The following PCDHA8 variants were observed in gnomAD, a reference collection of about 807,000 sequenced individuals.
PCDHA8 encodes the protein protocadherin alpha-8.
Under a neutral mutation model 61.8 loss-of-function variants are expected in PCDHA8, and 53 were observed. The ratio of observed to expected loss-of-function variants is 0.86; its 90% confidence interval spans 0.69 to 1.08. PCDHA8 has a LOEUF of 1.08. PCDHA8 is among the 50% of genes least tolerant of loss of function. The probability of loss-of-function intolerance (pLI) is 0.00; values close to 1 mark genes in which losing one functional copy is unlikely to be tolerated. For missense variants in PCDHA8, 1,293 were observed against 1,245.0 expected (o/e 1.04, Z -0.58); for synonymous variants, 618 against 556.6 (o/e 1.11, Z -1.55).
At chr5:140,997,720 G>C (rs973128921) in intron 3 of PCDHA8, among the ~76,000 whole-genome samples, 1 of 151,568 alleles carries the variant, frequency 6.6e-6, no homozygotes, top group African/African-American at 2.4e-5. Flanking sequence ...ACCTTTCTAC[G>C]TCAGTACATA....
At chr5:140,998,295 A>G (rs2097805023) in intron 3 of PCDHA8, among the ~76,000 whole-genome samples, 1 of 152,206 alleles carries the variant, frequency 6.6e-6, no homozygotes, top group Non-Finnish European at 1.5e-5. Context: ...CAGATCACAC[A>G]TTTAGTAAGG....
chr5:140,850,218 G>T, intron 1 of PCDHA8: 1 of 1,593,686 alleles, frequency 6.3e-7, no homozygotes. Context: ...GGGCACTGAC[G>T]GCGCAGTGAG....
At chr5:140,957,109 T>C (rs2095334016) in intron 1 of PCDHA8, among the ~76,000 whole-genome samples, 1 of 152,174 alleles carries the variant, frequency 6.6e-6, no homozygotes, top group Non-Finnish European at 1.5e-5. Context: ...ATGGACATGA[T>C]TCTGTGTGTT....
rs139314570 is a variant in PCDHA8, at chr5:140,952,780, A to G, written c.2395-26169A>G. 2.0e-3 allele frequency among the ~76,000 whole-genome samples: 310 copies of G among 152,316 alleles called. 3 individuals are homozygous for G. The highest frequency in any genetic ancestry group is 7.3e-3 in the African/African-American group (302 of 41,572). On this transcript the variant is annotated intron_variant, in intron 1 of 3. Transcript: ENST00000531613. ...CTGAGACTGGATAATTTAGAAAGAA[A>G]AGAGGTTTAACTGGCTCGCAGTTCT... is the stretch of plus-strand genomic sequence containing the variant.
At chr5:140,900,494 C>G (rs2068089293) in intron 1 of PCDHA8, among the ~76,000 whole-genome samples, 1 of 152,202 alleles carries the variant, frequency 6.6e-6, no homozygotes, top group Admixed American at 6.5e-5. Context: ...TCAGACTGGT[C>G]TCAAATTCCC....
chr5:140,876,467 G>T, intron 1 of PCDHA8: 1 of 1,614,020 alleles, frequency 6.2e-7, no homozygotes, highest in Non-Finnish European at 8.5e-7. Flanking sequence ...TCCATGGCAG[G>T]TCACAGCATG....
chr5:140,842,783 G>C lies in PCDHA8; in HGVS notation c.1462G>C (p.Ala488Pro), dbSNP rs2150344113. 2 of 1,594,544 alleles carry C rather than the reference G, an allele frequency of 1.3e-6. No individual in the cohort carries two copies. Among genetic ancestry groups the C allele is most frequent in the Non-Finnish European group, 1.7e-6 (2 of 1,165,426 alleles). Reference protein sequence around the residue: ...SARDADAQENALVSYSLVERR... With the variant: ...SARDADAQENPLVSYSLVERR... ...GCGAGACGCGGACGCGCAGGAGAAC[G>C]CGCTGGTGTCCTACTCGCTTGTGGA... is the stretch of plus-strand genomic sequence containing the variant. Residue 488 changes from alanine (A) to proline (P), a missense_variant, in exon 1 of 4, where the codon GCG (alanine) becomes CCG (proline). Ala to Pro is a conservative substitution (Grantham distance 27). Coordinates refer to ENST00000531613, the MANE Select transcript of PCDHA8 (RefSeq NM_018911.3).
chr5:140,930,917 G>A (rs528997377), intron 1 of PCDHA8, among the ~76,000 whole-genome samples: 3 of 152,272 alleles, frequency 2.0e-5, no homozygotes, highest in African/African-American at 7.2e-5. Context: ...TACTTTAGAT[G>A]TGTATATGTG....
intron 1 of PCDHA8, among the ~76,000 whole-genome samples, chr5:140,953,511 G>A (rs1243901831): frequency 1.3e-5 from 2 of 152,114 alleles, no homozygotes; most frequent in Non-Finnish European, 2.9e-5. Flanking sequence ...TTAGGCCAAA[G>A]CAACAAAAAC....
At chr5:140,843,880 A>G in intron 1 of PCDHA8, 165 bp downstream of exon 1, 1 of 739,104 alleles carries the variant, frequency 1.4e-6, no homozygotes, top group Admixed American at 3.0e-5. Flanking sequence ...CAGTGGCATA[A>G]TACAGTATTA....
rs182070121 is a variant in PCDHA8, at chr5:140,953,927, G to A, written c.2395-25022G>A. On this transcript the variant is annotated intron_variant, in intron 1 of 3. Coordinates refer to ENST00000531613, the MANE Select transcript of PCDHA8 (RefSeq NM_018911.3). ...GCATCCATTAGGTATTCTTCCTGAT[G>A]CTCTCCCTCCCATTGCTCCCCCAAC... Among the ~76,000 whole-genome samples the A allele has an allele frequency of 2.1e-3, 313 of 152,142 alleles. 1 individual carries two copies. The highest frequency in any genetic ancestry group is 7.1e-3 in the African/African-American group (295 of 41,500).
At chr5:140,965,343 T>C (rs1460433512) in intron 1 of PCDHA8, among the ~76,000 whole-genome samples, 1 of 152,154 alleles carries the variant, frequency 6.6e-6, no homozygotes, top group Admixed American at 6.5e-5. Flanking sequence ...TGTCTCTGTG[T>C]TGCCTCTATA....
Position 140,842,619 on chromosome 5 carries a change from C to T in PCDHA8, c.1298C>T (p.Pro433Leu), listed in dbSNP as rs2150340837. 8 of 1,575,272 alleles carry T rather than the reference C, an allele frequency of 5.1e-6. No individual in the cohort carries two copies. Among genetic ancestry groups the T allele is most frequent in the Middle Eastern group, 1.7e-4 (1 of 5,818 alleles). Residue 433 changes from proline (P) to leucine (L), a missense_variant, in exon 1 of 4, where the codon CCT becomes CTT. Physicochemically the swap from Pro to Leu is moderately conservative, Grantham distance 98. Coordinates refer to ENST00000531613, the MANE Select transcript of PCDHA8 (RefSeq NM_018911.3). ...LVVTARDGGS[P>L]SLWATASLSV... ...GTAACCGCGCGGGACGGGGGCTCGC[C>T]TTCGCTGTGGGCCACCGCCAGCTTG...
At chr5:140,944,718 G>A (rs1554216523) in intron 1 of PCDHA8, among the ~76,000 whole-genome samples, 1 of 152,088 alleles carries the variant, frequency 6.6e-6, no homozygotes, top group East Asian at 1.9e-4. Flanking sequence ...TTTTGCCTTT[G>A]AACACCTTAG....
intron 1 of PCDHA8, among the ~76,000 whole-genome samples, chr5:140,975,004 T>C (rs1464460351): frequency 2.6e-5 from 4 of 152,170 alleles, no homozygotes; most frequent in African/African-American, 9.7e-5. Flanking sequence ...AAGGCTGAAA[T>C]GAACACAGCT....
chr5:140,928,043 C>T, intron 1 of PCDHA8: 1 of 1,614,192 alleles, frequency 6.2e-7, no homozygotes, highest in Non-Finnish European at 8.5e-7. Context: ...AGTGCAGGCC[C>T]TTTTCAGCTG....
chr5:141,009,908 A>T lies in PCDHA8; in HGVS notation c.2824A>T (p.Asn942Tyr). ...NKTQEKKEKGNSTTDNSDQ is the reference protein window; with the variant it reads ...NKTQEKKEKGYSTTDNSDQ ...GACCCAGGAGAAAAAAGAGAAAGGG[A>T]ACAGCACGACTGACAACAGTGACCA... Residue 942 changes from asparagine to tyrosine, a missense_variant, in exon 4 of 4, where the codon AAC (asparagine) becomes TAC (tyrosine). Physicochemically the swap from Asn to Tyr is moderately radical, Grantham distance 143 (BLOSUM62 -2). Transcript: ENST00000531613. 1 of 1,612,966 alleles carries T rather than the reference A, an allele frequency of 6.2e-7. No individual in the cohort carries two copies. The highest frequency in any genetic ancestry group is 1.1e-5 in the South Asian group (1 of 90,886).
At chr5:140,924,765 C>T (rs574213548) in intron 1 of PCDHA8, among the ~76,000 whole-genome samples, 2 of 151,640 alleles carry the variant, frequency 1.3e-5, no homozygotes, top group Non-Finnish European at 2.9e-5. Context: ...CATGGTGGTG[C>T]GCGCTTGTAG....
intron 3 of PCDHA8, among the ~76,000 whole-genome samples, chr5:141,007,393 TAC>T (rs2098323171): frequency 8.5e-5 from 2 of 23,408 alleles, no homozygotes; most frequent in East Asian, 1.4e-3. Flanking sequence ...TCTACTAAAA[TAC>T]AAAAAAAAAA....
Sources: gnomAD v4.1 joint callset for allele counts (sites outside exome capture counted in the v4.1 genomes callset) on GRCh38, gnomAD v4.1.1 for gene constraint, MANE v1.5 for transcripts, NCBI Gene and HGNC (gene_info 2026-07-23, HGNC 2026-07-21) for gene names.